SOCS7: variants seen among roughly 807,000 people sequenced by gnomAD.
SOCS7 encodes suppressor of cytokine signaling 7.
Under a neutral mutation model 58.9 loss-of-function variants are expected in SOCS7, and 18 were observed. The ratio of observed to expected loss-of-function variants is 0.31; its 90% CI spans 0.21 to 0.45. The LOEUF (loss-of-function observed/expected upper bound fraction) is 0.45. Among genes scored for constraint, SOCS7 ranks in the 20% least tolerant of loss-of-function variants. The pLI is 1.00. For synonymous variants in SOCS7, 388 were observed against 364.3 expected (o/e 1.06, Z -0.74); for missense variants, 667 against 837.3 (o/e 0.80, Z 2.51).
intron 7 of SOCS7, among the ~76,000 whole-genome samples, chr17:38,387,133 G>GTGTGTGTGTATATATATATATATATATA (rs1269515665): frequency 1.4e-5 from 1 of 73,494 alleles, no homozygotes; most frequent in African/African-American, 7.0e-5. Flanking sequence ...ATATATGTAT[G>GTGTGTGTGTATATATATATATATATATA]TATATATATA....
chr17:38,391,242 G>A lies in SOCS7; in HGVS notation c.1682-4067G>A, dbSNP rs917360297. The stretch of plus-strand genomic sequence containing the variant: ...GAAATAACATGTATGTGGTAAAAAG[G>A]TCAAATAGTGCGCAAGGGAATATAA... On this transcript the variant is annotated intron_variant, in intron 7 of 9. Coordinates refer to ENST00000612932, the MANE Select transcript of SOCS7 (RefSeq NM_014598.4). 1.2e-4 allele frequency among the ~76,000 whole-genome samples: 19 copies of A among 152,148 alleles called. No homozygotes were observed. The South Asian group carries it at 1.5e-3, about 12-fold the overall frequency.
intron 7 of SOCS7, among the ~76,000 whole-genome samples, chr17:38,386,928 T>A (rs866070977): frequency 6.7e-6 from 1 of 149,154 alleles, no homozygotes; most frequent in South Asian, 2.1e-4. Flanking sequence ...TACTAAAAAA[T>A]AGAAAAAATT....
At chr17:38,360,933 G>C (rs1297726846) in intron 1 of SOCS7, among the ~76,000 whole-genome samples, 1 of 152,234 alleles carries the variant, frequency 6.6e-6, no homozygotes, top group Non-Finnish European at 1.5e-5. Context: ...GTCTTTGTTG[G>C]AGTCTTTTGA....
chr17:38,393,818 T>C (rs2038208817), intron 7 of SOCS7, among the ~76,000 whole-genome samples: 1 of 151,772 alleles, frequency 6.6e-6, no homozygotes, highest in South Asian at 2.1e-4. Context: ...GAGAATGGCA[T>C]GAACCCGGGA....
At chr17:38,369,674 CTTTTTTTT>C (rs11299884) in intron 6 of SOCS7, among the ~76,000 whole-genome samples, 1 of 125,986 alleles carries the variant, frequency 7.9e-6, no homozygotes, top group Admixed American at 8.1e-5. Context: ...TCTCCGATTA[CTTTTTTTT>C]TTTTTTTTTT....
At position 38,352,226 on chromosome 17, in the gene SOCS7, C is replaced by T; in HGVS notation, c.174C>T (p.Gly58=). 7.3e-7 allele frequency: 1 copy of T among 1,374,038 alleles called. No homozygotes were observed. The highest frequency in any genetic ancestry group is 9.3e-7 in the Non-Finnish European group (1 of 1,070,784). 85.1% of individuals were successfully genotyped at this position (1,374,038 alleles called of 1,614,324 possible). The part of the protein sequence containing the change: ...PPFLARPGPR[G]SRPPQLMVFR... ...TCCTCGCGCGGCCCGGCCCGCGGGG[C>T]TCCCGGCCGCCGCAGCTGATGGTGT... The change falls in exon 1 of 10, where the codon GGC becomes GGT. Residue 58 remains glycine (G), a synonymous_variant. Coordinates refer to ENST00000612932, the MANE Select transcript of SOCS7 (RefSeq NM_014598.4). The surrounding 1 kb of genome is among the most constrained non-coding windows in gnomAD (Gnocchi z 5.5).
chr17:38,370,250 G>A (rs2037845160), intron 6 of SOCS7, among the ~76,000 whole-genome samples: 1 of 152,150 alleles, frequency 6.6e-6, no homozygotes, highest in African/African-American at 2.4e-5. Flanking sequence ...TGCCTGCCTC[G>A]GCTTCCCAAA....
At chr17:38,387,102 A>ATATAT (rs1555570653) in intron 7 of SOCS7, among the ~76,000 whole-genome samples, 45 of 51,132 alleles carry the variant, frequency 8.8e-4, no homozygotes, top group African/African-American at 3.5e-3. Flanking sequence ...AAAAAAAAAA[A>ATATAT]ATATATATAT....
rs55849419 is a variant in SOCS7 at position 38,352,779 on chromosome 17, GAGCAGCAGCAGC to G, written c.741_752del (p.Gln248_Gln251del). On this transcript the variant is annotated inframe_deletion, in exon 1 of 10. Transcript: ENST00000612932. This position sits in a 1 kb window ranked among gnomAD's most constrained non-coding sequence, Gnocchi z 5.5. Reference sequence around the variant, plus strand: ...CCCTCTGGGGCGCCTGAGTAGAGGGGAGCAGCAGCAGCAGCAGCAGCAGCAACCTCCCCCGCC... The same window carrying G: ...CCCTCTGGGGCGCCTGAGTAGAGGGGAGCAGCAGCAGCAACCTCCCCCGCC... 2 of 1,549,988 alleles carry G rather than the reference GAGCAGCAGCAGC, an allele frequency of 1.3e-6. No homozygotes were observed. The highest frequency in any genetic ancestry group is 1.2e-5 in the South Asian group (1 of 84,040).
At chr17:38,372,089 G>A (rs376161007) in intron 6 of SOCS7, among the ~76,000 whole-genome samples, 6 of 152,026 alleles carry the variant, frequency 3.9e-5, no homozygotes, top group East Asian at 1.9e-4. Context: ...TTTGAACTGC[G>A]CAGGTCTGCT....
chr17:38,400,460 G>T lies in SOCS7; in HGVS notation c.*978G>T, dbSNP rs2144415010. ...CTGTACTCATGACTTAGGAGTGAGT[G>T]TTACTTCCATGTGCCTGTCAGCTTG... On this transcript the variant is annotated 3_prime_UTR_variant, in exon 10 of 10. Coordinates refer to ENST00000612932, the MANE Select transcript of SOCS7 (RefSeq NM_014598.4). The T allele has an allele frequency of 6.6e-6, 1 of 152,358 alleles. No homozygotes were observed. The highest frequency in any genetic ancestry group is 1.9e-4 in the East Asian group (1 of 5,182). 9.4% of individuals were successfully genotyped at this position (152,358 alleles called of 1,614,324 possible).
At chr17:38,380,843 A>G (rs952608815) in intron 7 of SOCS7, among the ~76,000 whole-genome samples, 9 of 152,152 alleles carry the variant, frequency 5.9e-5, no homozygotes, top group Middle Eastern at 6.8e-3. Context: ...TGGGTGACAG[A>G]GGGAGACTCT....
At chr17:38,397,229 C>G (rs1567754371) in intron 9 of SOCS7, among the ~76,000 whole-genome samples, 1 of 152,098 alleles carries the variant, frequency 6.6e-6, no homozygotes, top group African/African-American at 2.4e-5. Context: ...ATGGGTTTTC[C>G]TAAGGAAGAG....
chr17:38,396,518 C>A (rs1243739295), intron 9 of SOCS7, among the ~76,000 whole-genome samples: 1 of 152,312 alleles, frequency 6.6e-6, no homozygotes. Context: ...TGAGGAAAAA[C>A]AGCCCACTCT....
At chr17:38,393,808 G>A (rs563843977) in intron 7 of SOCS7, among the ~76,000 whole-genome samples, 2 of 151,878 alleles carry the variant, frequency 1.3e-5, no homozygotes, top group African/African-American at 4.8e-5. Context: ...GCTGAGGCAG[G>A]AGAATGGCAT....
chr17:38,352,819 C>T lies in SOCS7; in HGVS notation c.767C>T (p.Pro256Leu), dbSNP rs570170025. Residue 256 changes from proline (P) to leucine (L), a missense_variant, in exon 1 of 10, where the codon CCG (proline) becomes CTG (leucine). Around this residue, in one of 9 missense-constraint regions of SOCS7, gnomAD observed 208 missense variants for 190.3 expected, o/e 1.09. Transcript: ENST00000612932. This position sits in a 1 kb window ranked among gnomAD's most constrained non-coding sequence, Gnocchi z 5.5. ...CAGCAGCAGCAACCTCCCCCGCCCC[C>T]GCCTCCTCCCGGGCCCCTCCGGCCA... is the stretch of plus-strand genomic sequence containing the variant. ...QQQQQQPPPP[P>L]PPPGPLRPLA... is the part of the protein sequence containing the mutation. 7.1e-6 allele frequency: 11 copies of T among 1,559,988 alleles called. No homozygotes were observed. In the East Asian group the frequency reaches 1.2e-4, roughly 17 times the overall value.
intron 7 of SOCS7, among the ~76,000 whole-genome samples, chr17:38,381,428 G>A (rs996396358): frequency 1.1e-4 from 16 of 152,158 alleles, no homozygotes; most frequent in Non-Finnish European, 2.1e-4. Flanking sequence ...TAACTTGATC[G>A]ATTCAGAAAG....
chr17:38,361,651 C>T (rs893512944), intron 1 of SOCS7, 60 bp from the exon 2 acceptor site: 7 of 1,318,538 alleles, frequency 5.3e-6, no homozygotes, highest in Non-Finnish European at 6.6e-6. Context: ...GTTGTGGTGA[C>T]TTAAATGCAT....
chr17:38,393,242 T>C (rs2038199160), intron 7 of SOCS7, among the ~76,000 whole-genome samples: 1 of 152,164 alleles, frequency 6.6e-6, no homozygotes, highest in Non-Finnish European at 1.5e-5. Context: ...TTTGATTTTT[T>C]TTTTCCCCTG....
Sources: gnomAD v4.1 joint callset for allele counts (sites outside exome capture counted in the v4.1 genomes callset) on GRCh38, gnomAD v4.1.1 for gene constraint, gnomAD v4.1.1 regional missense constraint, Gnocchi (gnomAD v3.1) non-coding constraint, MANE v1.5 for transcripts, NCBI Gene and HGNC (gene_info 2026-07-23, HGNC 2026-07-21) for gene names.